The following MEI4 variants were observed in gnomAD, a reference collection of about 807,000 sequenced individuals.
MEI4 encodes the protein meiosis-specific protein MEI4.
A neutral mutation model predicts 31.4 loss-of-function variants in MEI4; 27 were observed. That is an observed-to-expected ratio of 0.86 (90% confidence interval 0.63 to 1.19). The LOEUF is 1.19. MEI4 is among the 50% of genes most tolerant of loss of function. The pLI, the probability that MEI4 is intolerant of heterozygous loss-of-function variation, is 0.00. For missense variants in MEI4, 329 were observed against 398.9 expected, an observed-to-expected ratio of 0.82 and a Z score of 1.49; for synonymous variants, 122 against 145.4, an observed-to-expected ratio of 0.84 and a Z score of 1.16.
chr6:77,737,557 G>A (rs769851241), intron 2 of MEI4, among the ~76,000 whole-genome samples: 3 of 152,162 alleles, frequency 2.0e-5, no homozygotes, highest in Admixed American at 1.3e-4. Context: ...AGAGAATTAC[G>A]ACTGGATGAT....
chr6:77,853,745 C>T (rs1464769627), intron 4 of MEI4, among the ~76,000 whole-genome samples: 1 of 152,068 alleles, frequency 6.6e-6, no homozygotes, highest in Admixed American at 6.6e-5. Flanking sequence ...TATATCAGGA[C>T]ATAAATTAGG....
intron 2 of MEI4, among the ~76,000 whole-genome samples, chr6:77,708,984 C>G (rs1185978130): frequency 6.6e-6 from 1 of 152,140 alleles, no homozygotes; most frequent in African/African-American, 2.4e-5. Flanking sequence ...ACACACCTGT[C>G]TTTTGTTACA....
intron 4 of MEI4, among the ~76,000 whole-genome samples, chr6:77,873,049 A>C (rs1286872413): frequency 6.6e-6 from 1 of 151,908 alleles, no homozygotes; most frequent in Non-Finnish European, 1.5e-5. Context: ...ATACGTGTGC[A>C]TGTGTCTTTA....
chr6:77,817,039 GTGT>G (rs1429315646), intron 3 of MEI4, among the ~76,000 whole-genome samples: 2 of 151,890 alleles, frequency 1.3e-5, no homozygotes, highest in Non-Finnish European at 2.9e-5. Context: ...GTGTGTGTGT[GTGT>G]TGTTTTTGTT....
intron 3 of MEI4, among the ~76,000 whole-genome samples, chr6:77,786,024 C>T (rs1023847638): frequency 1.3e-5 from 2 of 152,114 alleles, no homozygotes; most frequent in Admixed American, 1.3e-4. Flanking sequence ...TTTTGCCTTT[C>T]ACAGTCTCTG....
intron 2 of MEI4, among the ~76,000 whole-genome samples, chr6:77,707,467 T>A (rs2127658687): frequency 6.6e-6 from 1 of 152,300 alleles, no homozygotes; most frequent in South Asian, 2.1e-4. Flanking sequence ...GCATACAAAT[T>A]TGGAAAATTC....
rs992431106 is a variant in MEI4, at chr6:77,923,407, C to G, written c.*61C>G. ...AATAAAGTAGAATATATGAAAATCT[C>G]ATACTGAAAAGATTTTCAATAGTAT... On this transcript the variant is annotated 3_prime_UTR_variant, in exon 5 of 5. Transcript: ENST00000684080. 1 of 1,165,548 alleles carries G rather than the reference C, an allele frequency of 8.6e-7. No homozygotes were observed. The highest frequency in any genetic ancestry group is 3.3e-4 in the Middle Eastern group (1 of 3,064). 72.2% of individuals were successfully genotyped at this position (1,165,548 alleles called of 1,614,324 possible). A position where few individuals can be genotyped will look rare whatever the true frequency, so the allele number is the denominator to read the frequency against.
rs55947073 is a variant in MEI4, at chr6:77,883,745, A to ATATATCTAT, written c.901-39344_901-39343insTATATCTAT. On this transcript the variant is annotated intron_variant, in intron 4 of 4. Coordinates refer to ENST00000684080, the MANE Select transcript of MEI4 (RefSeq NM_001322247.2). ...ATATATATATATATATATATATATA[A>ATATATCTAT]CTTTGTCTTTGTCTATTCATTTATT... Among the ~76,000 whole-genome samples the ATATATCTAT allele has an allele frequency of 9.2e-4, 76 of 82,310 alleles. 1 individual carries two copies. The highest frequency in any genetic ancestry group is 2.9e-3 in the African/African-American group (59 of 20,150). The allele number at this position is 82,310 out of a possible 152,430, so 54.0% of individuals were successfully genotyped here.
At chr6:77,777,828 GT>G (rs1203188988) in intron 3 of MEI4, among the ~76,000 whole-genome samples, 1 of 151,872 alleles carries the variant, frequency 6.6e-6, no homozygotes, top group African/African-American at 2.4e-5. Context: ...GTAAAAGCAT[GT>G]TTTACAACCA....
Position 77,680,521 on chromosome 6 carries a change from A to G in MEI4, c.-14-10137A>G, listed in dbSNP as rs1768937885. On this transcript the variant is annotated intron_variant, in intron 1 of 4. Transcript: ENST00000684080. ...AGTCCTGAGTTATGGCTAACCTGCA[A>G]CAAGAGCTATATTACCTTTGTGTGT... 2.0e-5 allele frequency among the ~76,000 whole-genome samples: 3 copies of G among 152,124 alleles called. No individual in the cohort carries two copies. The South Asian group carries it at 6.2e-4, about 32-fold the overall frequency.
At chr6:77,886,409 C>G (rs976740795) in intron 4 of MEI4, among the ~76,000 whole-genome samples, 8 of 145,688 alleles carry the variant, frequency 5.5e-5, no homozygotes, top group Admixed American at 4.9e-4. Flanking sequence ...AAGAATTGAC[C>G]CATTTCTTTT....
chr6:77,760,727 C>T lies in MEI4; in HGVS notation c.233-403C>T, dbSNP rs370488789. Reference sequence around the variant, plus strand: ...TAACAAGGTAGGCTGTTCAATGGCCCTCCTGATTTTATAGTTCCCTCAGTA... The same window carrying T: ...TAACAAGGTAGGCTGTTCAATGGCCTTCCTGATTTTATAGTTCCCTCAGTA... On this transcript the variant is annotated intron_variant, in intron 2 of 4. Coordinates refer to ENST00000684080, the MANE Select transcript of MEI4 (RefSeq NM_001322247.2). Among the ~76,000 whole-genome samples, 71 of 152,180 alleles carry T rather than the reference C, an allele frequency of 4.7e-4. 1 individual carries two copies. The highest frequency in any genetic ancestry group is 3.4e-3 in the Middle Eastern group (1 of 294).
chr6:77,793,071 T>C (rs1038621528), intron 3 of MEI4, among the ~76,000 whole-genome samples: 2 of 152,190 alleles, frequency 1.3e-5, no homozygotes, highest in Non-Finnish European at 2.9e-5. Context: ...ATAGCAACTT[T>C]ATTGAAAATC....
chr6:77,736,602 G>A lies in MEI4; in HGVS notation c.233-24528G>A, dbSNP rs143892086. ...GCAGAAATCATTCGTCTTCTGCGTC[G>A]CTCATGCTGGGAGCTGTAGACCGGA... On this transcript the variant is annotated intron_variant, in intron 2 of 4. Transcript: ENST00000684080. 1.1e-4 allele frequency among the ~76,000 whole-genome samples: 16 copies of A among 152,156 alleles called. No homozygotes were observed. In the East Asian group the frequency reaches 1.7e-3, roughly 17 times the overall value.
rs532480336 is a variant in MEI4 at position 77,795,573 on chromosome 6, T to C, written c.769-33358T>C. Among the ~76,000 whole-genome samples the C allele has an allele frequency of 6.6e-5, 10 of 152,062 alleles. No individual in the cohort carries two copies. The South Asian group carries it at 1.7e-3, about 25-fold the overall frequency. ...AAGAAGTGAAAAAATATTCAAATAG[T>C]ATTACAAATGAACAAGGAGACATTA... On this transcript the variant is annotated intron_variant, in intron 3 of 4. Coordinates refer to ENST00000684080, the MANE Select transcript of MEI4 (RefSeq NM_001322247.2).
intron 2 of MEI4, among the ~76,000 whole-genome samples, chr6:77,711,342 A>ATG (rs960040948): frequency 2.0e-5 from 3 of 152,146 alleles, no homozygotes; most frequent in Non-Finnish European, 4.4e-5. Flanking sequence ...ATGTATATAT[A>ATG]TGTGTGTGTG....
intron 4 of MEI4, among the ~76,000 whole-genome samples, chr6:77,909,246 C>CA (rs1335826108): frequency 2.6e-5 from 4 of 151,910 alleles, no homozygotes; most frequent in Non-Finnish European, 5.9e-5. Flanking sequence ...AAAAACCCTT[C>CA]AAAAAAATCA....
In MEI4 at chr6:77,923,524, T is replaced by TTTCTATACTAAAATCAGCC; in HGVS notation, c.*179_*197dup. 1 of 530,466 alleles carries TTTCTATACTAAAATCAGCC rather than the reference T, an allele frequency of 1.9e-6. No homozygotes were observed. Among genetic ancestry groups the TTTCTATACTAAAATCAGCC allele is most frequent in the African/African-American group, 2.0e-5 (1 of 50,406 alleles). 32.9% of individuals were successfully genotyped at this position (530,466 alleles called of 1,614,324 possible). ...ATTGTATGAAATTTTATGAGTCATA[T>TTTCTATACTAAAATCAGCC]TTCTATACTAAAATCAGCCAGTTTC... On this transcript the variant is annotated 3_prime_UTR_variant, in exon 5 of 5. Coordinates refer to ENST00000684080, the MANE Select transcript of MEI4 (RefSeq NM_001322247.2).
At chr6:77,737,219 T>C (rs1561966386) in intron 2 of MEI4, among the ~76,000 whole-genome samples, 1 of 152,230 alleles carries the variant, frequency 6.6e-6, no homozygotes, top group Non-Finnish European at 1.5e-5. Flanking sequence ...CCATAAGTTA[T>C]TTATTTAGGT....
Sources: allele counts gnomAD v4.1 joint callset (sites outside exome capture counted in the v4.1 genomes callset), GRCh38; gene constraint gnomAD v4.1.1; transcripts MANE v1.5; gene names NCBI Gene and HGNC (gene_info 2026-07-23, HGNC 2026-07-21).